The following GPC6 variants were observed in gnomAD, a reference collection of about 807,000 sequenced individuals.
GPC6 encodes the protein glypican-6.
A neutral mutation model predicts 55.2 loss-of-function variants in GPC6; 14 were observed. The ratio of observed to expected loss-of-function variants is 0.25; its 90% CI spans 0.17 to 0.40. The LOEUF (loss-of-function observed/expected upper bound fraction) is 0.40. Ranked by LOEUF, GPC6 falls within the 10% of genes least tolerant of loss-of-function variation. The probability of loss-of-function intolerance (pLI) is 1.00; values close to 1 mark genes in which losing one functional copy is unlikely to be tolerated. For synonymous variants in GPC6, 278 were observed against 259.6 expected (o/e 1.07, Z -0.68); for missense variants, 641 against 708.5 (o/e 0.90, Z 1.08).
At chr13:93,853,615 C>G (rs576515297) in intron 3 of GPC6, among the ~76,000 whole-genome samples, 58 of 151,642 alleles carry the variant, frequency 3.8e-4, no homozygotes, top group Non-Finnish European at 7.7e-4. Context: ...CACCTGTAGA[C>G]AATTTGTCTC....
At chr13:93,760,386 G>T (rs560200547) in intron 2 of GPC6, among the ~76,000 whole-genome samples, 1 of 152,160 alleles carries the variant, frequency 6.6e-6, no homozygotes, top group Non-Finnish European at 1.5e-5. Context: ...GTCAATGGAC[G>T]TTCCTCTCAC....
At chr13:94,202,389 G>A (rs1369901568) in intron 4 of GPC6, among the ~76,000 whole-genome samples, 1 of 152,170 alleles carries the variant, frequency 6.6e-6, no homozygotes, top group Non-Finnish European at 1.5e-5. Context: ...AGTTCCACAC[G>A]GCTGGGGAAG....
At chr13:93,806,834 C>A (rs1020515556) in intron 2 of GPC6, among the ~76,000 whole-genome samples, 6 of 152,114 alleles carry the variant, frequency 3.9e-5, no homozygotes, top group African/African-American at 7.2e-5. Flanking sequence ...CTAATTGCTT[C>A]ATAGATGAAT....
At chr13:94,132,233 G>A (rs1270035423) in intron 4 of GPC6, among the ~76,000 whole-genome samples, 5 of 152,262 alleles carry the variant, frequency 3.3e-5, no homozygotes, top group Admixed American at 3.3e-4. Flanking sequence ...CTAGCTGAGT[G>A]TTTCCTGCTT....
intron 4 of GPC6, among the ~76,000 whole-genome samples, chr13:94,094,096 A>G (rs189296421): frequency 1.6e-4 from 24 of 152,134 alleles, no homozygotes; most frequent in Middle Eastern, 3.4e-3. Flanking sequence ...CTAAGTTTAT[A>G]TGAGGGTATG....
chr13:94,078,640 T>C (rs1885000026), intron 4 of GPC6, among the ~76,000 whole-genome samples: 3 of 152,040 alleles, frequency 2.0e-5, no homozygotes, highest in South Asian at 4.1e-4. Flanking sequence ...TGGGATGTCC[T>C]AGAAAGAAAA....
intron 3 of GPC6, among the ~76,000 whole-genome samples, chr13:94,020,726 C>T (rs1882663135): frequency 6.6e-6 from 1 of 152,034 alleles, no homozygotes; most frequent in Non-Finnish European, 1.5e-5. Context: ...TAATTATTTC[C>T]CTCAAATGAC....
chr13:93,947,165 A>G (rs1356803442), intron 3 of GPC6, among the ~76,000 whole-genome samples: 1 of 152,212 alleles, frequency 6.6e-6, no homozygotes, highest in African/African-American at 2.4e-5. Context: ...TAGATGTGCC[A>G]GCTGTAAGAA....
At chr13:94,145,008 T>C (rs941520724) in intron 4 of GPC6, among the ~76,000 whole-genome samples, 1 of 152,154 alleles carries the variant, frequency 6.6e-6, no homozygotes, top group African/African-American at 2.4e-5. Flanking sequence ...AGCACAGAGT[T>C]TGAAATATTG....
chr13:94,096,898 C>A (rs1311245139), intron 4 of GPC6, among the ~76,000 whole-genome samples: 1 of 152,142 alleles, frequency 6.6e-6, no homozygotes, highest in Non-Finnish European at 1.5e-5. Context: ...AATTCATCTG[C>A]TCTTGGCTGC....
intron 3 of GPC6, among the ~76,000 whole-genome samples, chr13:93,855,521 T>C (rs1357980725): frequency 2.0e-5 from 3 of 151,676 alleles, no homozygotes; most frequent in African/African-American, 7.3e-5. Flanking sequence ...TGGATATGTT[T>C]TCAGTTCCTT....
chr13:94,299,084 T>C (rs1442952439), intron 5 of GPC6, among the ~76,000 whole-genome samples: 2 of 152,248 alleles, frequency 1.3e-5, no homozygotes, highest in African/African-American at 4.8e-5. Context: ...CATGTGCTGG[T>C]AACTCCTACA....
At chr13:93,510,263 C>T (rs756654500) in intron 1 of GPC6, among the ~76,000 whole-genome samples, 1 of 151,962 alleles carries the variant, frequency 6.6e-6, no homozygotes, top group Non-Finnish European at 1.5e-5. Context: ...TGAATTTGTT[C>T]CTTCTAACTA....
At chr13:93,765,859 C>A (rs552964129) in intron 2 of GPC6, among the ~76,000 whole-genome samples, 1 of 152,288 alleles carries the variant, frequency 6.6e-6, no homozygotes, top group South Asian at 2.1e-4. Flanking sequence ...CAAGTTGTTT[C>A]ACTTTTTTTG....
intron 3 of GPC6, among the ~76,000 whole-genome samples, chr13:93,845,019 C>T (rs890778362): frequency 6.6e-6 from 1 of 151,912 alleles, no homozygotes; most frequent in Non-Finnish European, 1.5e-5. Flanking sequence ...TGTTTTGGTA[C>T]CAGTACCATG....
At chr13:94,272,553 C>T (rs1313777506) in intron 4 of GPC6, among the ~76,000 whole-genome samples, 5 of 148,674 alleles carry the variant, frequency 3.4e-5, no homozygotes, top group African/African-American at 1.2e-4. Context: ...ACTGCAAGCT[C>T]CGCCTCCCAG....
chr13:93,510,985 G>GTATATATATATGTGTATATATATA (rs1880942460), intron 1 of GPC6, among the ~76,000 whole-genome samples: 3 of 36,812 alleles, frequency 8.1e-5, no homozygotes, highest in African/African-American at 2.0e-4. Context: ...ATATATATAT[G>GTATATATATATGTGTATATATATA]TGTATATATA....
At chr13:94,178,529 G>A (rs765871157) in intron 4 of GPC6, among the ~76,000 whole-genome samples, 2 of 152,158 alleles carry the variant, frequency 1.3e-5, no homozygotes, top group Non-Finnish European at 2.9e-5. Context: ...CCCAATTATT[G>A]TGTTTCACTC....
intron 3 of GPC6, among the ~76,000 whole-genome samples, chr13:93,993,155 T>C (rs2140417114): frequency 6.6e-6 from 1 of 152,304 alleles, no homozygotes; most frequent in East Asian, 1.9e-4. Flanking sequence ...CTCACCTGCA[T>C]TATGGCAAAG....
Sources: gnomAD v4.1 joint callset for allele counts (sites outside exome capture counted in the v4.1 genomes callset) on GRCh38, gnomAD v4.1.1 for gene constraint, MANE v1.5 for transcripts, NCBI Gene and HGNC (gene_info 2026-07-23, HGNC 2026-07-21) for gene names.